The following ZFPM1 variants were observed in gnomAD, a reference collection of about 807,000 sequenced individuals.
ZFPM1 encodes zinc finger protein, FOG family member 1.
A neutral mutation model predicts 46.3 loss-of-function variants in ZFPM1; 28 were observed. That is an observed-to-expected ratio of 0.60 (90% CI 0.45 to 0.83). The LOEUF is 0.83. Among genes scored for constraint, ZFPM1 ranks in the 40% least tolerant of loss-of-function variants. ZFPM1 has a pLI of 0.00. For missense variants in ZFPM1, 1,878 were observed against 1,432.4 expected (o/e 1.31, Z -5.02); for synonymous variants, 957 against 675.9 (o/e 1.42, Z -6.45).
intron 1 of ZFPM1, among the ~76,000 whole-genome samples, chr16:88,458,089 A>T (rs1433608602): frequency 1.3e-5 from 2 of 152,240 alleles, no homozygotes; most frequent in African/African-American, 4.8e-5. Flanking sequence ...GGGGAAACTG[A>T]AGCACAGAGA....
intron 3 of ZFPM1, among the ~76,000 whole-genome samples, chr16:88,498,238 A>G (rs1315790675): frequency 6.6e-6 from 1 of 151,898 alleles, no homozygotes; most frequent in Non-Finnish European, 1.5e-5. Context: ...ACAGCTGGGC[A>G]GAGGGGGCCC....
At chr16:88,470,108 AAGCC>A (rs1400391001) in intron 1 of ZFPM1, among the ~76,000 whole-genome samples, 1 of 152,050 alleles carries the variant, frequency 6.6e-6, no homozygotes, top group African/African-American at 2.4e-5. Context: ...AACGGAGAAA[AAGCC>A]AGGGCCTCCA....
rs1913057407 is a variant in ZFPM1, at chr16:88,534,118, C to G, written c.2160C>G (p.Pro720=). 1.8e-6 allele frequency: 2 copies of G among 1,116,122 alleles called. No homozygotes were observed. Among genetic ancestry groups the G allele is most frequent in the African/African-American group, 1.7e-5 (1 of 59,420 alleles). The allele number at this position is 1,116,122 out of a possible 1,614,324, so 69.1% of individuals were successfully genotyped here. A position where few individuals can be genotyped will look rare whatever the true frequency, so the allele number is the denominator to read the frequency against. Residue 720 remains proline (P), a synonymous_variant, in exon 10 of 10, where the codon CCC becomes CCG. Transcript: ENST00000319555. ...CGCCGCCGCGCCGACCGGCCGCGCCCCCGGGACCCCCTGGGCCGGCCGCGC... is the reference window on the plus strand; with the variant it reads ...CGCCGCCGCGCCGACCGGCCGCGCCGCCGGGACCCCCTGGGCCGGCCGCGC... The part of the protein sequence containing the change: ...HDPPPRRPAA[P]PGPPGPAAPP...
At chr16:88,515,711 G>A (rs999902619) in intron 4 of ZFPM1, among the ~76,000 whole-genome samples, 3 of 152,238 alleles carry the variant, frequency 2.0e-5, no homozygotes, top group East Asian at 1.9e-4. Context: ...GTGGAAGAAC[G>A]GCAGCGGAAG....
In ZFPM1 at chr16:88,479,649, G is replaced by A. The variant is rs572557880; in HGVS notation, c.41-6290G>A. Among the ~76,000 whole-genome samples, 10 of 152,132 alleles carry A rather than the reference G, an allele frequency of 6.6e-5. No individual in the cohort carries two copies. In the South Asian group the frequency reaches 8.3e-4, roughly 13 times the overall value. On this transcript the variant is annotated intron_variant, in intron 1 of 9. Coordinates refer to ENST00000319555, the MANE Select transcript of ZFPM1 (RefSeq NM_153813.3). ...TCTGTTATCAGGGCCTTATCTGGCC[G>A]CTGTGTGCCGCCAGAGGCCAGGTTC...
At chr16:88,525,175 G>GTGCCC (rs1912216399) in intron 4 of ZFPM1, among the ~76,000 whole-genome samples, 1 of 152,230 alleles carries the variant, frequency 6.6e-6, no homozygotes, top group Admixed American at 6.5e-5. Flanking sequence ...GGGTCTGGTC[G>GTGCCC]TGCCCTGCCC....
At chr16:88,523,650 C>T (rs1912074068) in intron 4 of ZFPM1, among the ~76,000 whole-genome samples, 1 of 152,248 alleles carries the variant, frequency 6.6e-6, no homozygotes, top group African/African-American at 2.4e-5. Context: ...CCAGGGCAGA[C>T]TGGCAGGGAG....
rs370003792 is a variant in ZFPM1, at chr16:88,526,809, C to T, written c.403-5C>T. On this transcript the variant is annotated splice_polypyrimidine_tract_variant and splice_region_variant and intron_variant, in intron 4 of 9. Transcript: ENST00000319555. ...TCCCCACGTGTTCCTACCCTCCCCCCCCAGAGCCCAGCCCTGACCCTGCTG... is the reference window on the plus strand; with the variant it reads ...TCCCCACGTGTTCCTACCCTCCCCCTCCAGAGCCCAGCCCTGACCCTGCTG... 9.3e-5 allele frequency: 143 copies of T among 1,545,836 alleles called. No individual in the cohort carries two copies. Among genetic ancestry groups the T allele is most frequent in the Middle Eastern group, 1.8e-4 (1 of 5,584 alleles).
rs144472439 is a variant in ZFPM1 at position 88,533,749 on chromosome 16, C to T, written c.1791C>T (p.Arg597=). Residue 597 remains arginine, a synonymous_variant, in exon 10 of 10, where the codon CGC becomes CGT. Coordinates refer to ENST00000319555, the MANE Select transcript of ZFPM1 (RefSeq NM_153813.3). Reference sequence around the variant, plus strand: ...TCAACAACTACTACGTGCACAAGCGCCTCTACTGTTCAGGCCGCCGTGCGC... The same window carrying T: ...TCAACAACTACTACGTGCACAAGCGTCTCTACTGTTCAGGCCGCCGTGCGC... The part of the protein sequence containing the change: ...SNVNNYYVHK[R]LYCSGRRAPE... The T allele has an allele frequency of 1.2e-4, 175 of 1,494,926 alleles. No homozygotes were observed. The East Asian group carries it at 1.3e-3, about 11-fold the overall frequency. 92.6% of individuals were successfully genotyped at this position (1,494,926 alleles called of 1,614,324 possible).
At chr16:88,482,858 C>T (rs1403071547) in intron 1 of ZFPM1, among the ~76,000 whole-genome samples, 4 of 152,212 alleles carry the variant, frequency 2.6e-5, no homozygotes, top group Non-Finnish European at 2.9e-5. Flanking sequence ...CGCGTGCTCC[C>T]GCCAAGTCGG....
Position 88,461,252 on chromosome 16 carries a change from C to CCTGGTGAGGACCGAGGGGCGGGAGG in ZFPM1, c.40+7575_40+7576insTGGTGAGGACCGAGGGGCGGGAGGC, listed in dbSNP as rs1567525978. ...GAGGACCCAGGGGTGGGGCGGGAGG[C>CCTGGTGAGGACCGAGGGGCGGGAGG]CCTGGTGAGGACCGACGGGTGCGAG... On this transcript the variant is annotated intron_variant, in intron 1 of 9. Transcript: ENST00000319555. Among the ~76,000 whole-genome samples, 145 of 59,838 alleles carry CCTGGTGAGGACCGAGGGGCGGGAGG rather than the reference C, an allele frequency of 2.4e-3. 5 individuals are homozygous for CCTGGTGAGGACCGAGGGGCGGGAGG. The highest frequency in any genetic ancestry group is 0.011 in the South Asian group (18 of 1,634). 39.3% of individuals were successfully genotyped at this position (59,838 alleles called of 152,430 possible). A position where few individuals can be genotyped will look rare whatever the true frequency, so the allele number is the denominator to read the frequency against.
At chr16:88,475,513 C>CG (rs36025032) in intron 1 of ZFPM1, among the ~76,000 whole-genome samples, 55,477 of 146,454 alleles carry the variant, frequency 0.38, 10,711 homozygotes, top group East Asian at 0.57. Context: ...GGCAGGGGTC[C>CG]GGGGGGGGGA....
intron 3 of ZFPM1, among the ~76,000 whole-genome samples, chr16:88,504,687 CCAGCTGCCCCAGACGGGG>C (rs1243138645): frequency 6.6e-6 from 1 of 152,192 alleles, no homozygotes; most frequent in Non-Finnish European, 1.5e-5. Flanking sequence ...GCCTGCCAGT[CCAGCTGCCCCAGACGGGG>C]CCAAGGTAGT....
chr16:88,534,360 C>T lies in ZFPM1; in HGVS notation c.2402C>T (p.Pro801Leu). 1.4e-6 allele frequency: 2 copies of T among 1,426,068 alleles called. No homozygotes were observed. Among genetic ancestry groups the T allele is most frequent in the Non-Finnish European group, 1.8e-6 (2 of 1,093,688 alleles). The allele number at this position is 1,426,068 out of a possible 1,614,324, so 88.3% of individuals were successfully genotyped here. ...GGCCCCATCGACCTGAGCAAGAAGCCGCGGCGCCCGCTCCCCGGAGCCCCG... is the reference window on the plus strand; with the variant it reads ...GGCCCCATCGACCTGAGCAAGAAGCTGCGGCGCCCGCTCCCCGGAGCCCCG... ...ADGPIDLSKK[P>L]RRPLPGAPAP... The change falls in exon 10 of 10, where the codon CCG (proline) becomes CTG (leucine). Residue 801 changes from proline to leucine, a missense_variant. Pro to Leu is a moderately conservative substitution (Grantham distance 98, BLOSUM62 -3). Transcript: ENST00000319555.
chr16:88,533,251 G>A lies in ZFPM1; in HGVS notation c.1293G>A (p.Lys431=), dbSNP rs71395304. 9 of 1,554,812 alleles carry A rather than the reference G, an allele frequency of 5.8e-6. No individual in the cohort carries two copies. The South Asian group carries it at 9.4e-5, about 16-fold the overall frequency. The change falls in exon 10 of 10, where the codon AAG becomes AAA. Residue 431 remains lysine, a synonymous_variant. Coordinates refer to ENST00000319555, the MANE Select transcript of ZFPM1 (RefSeq NM_153813.3). ...APTPSPGLDR[K]ALAEATNGEA... ...CCCCATCGCCAGGACTGGACAGAAAGGCCCTGGCCGAGGCCACCAACGGAG... is the reference window on the plus strand; with the variant it reads ...CCCCATCGCCAGGACTGGACAGAAAAGCCCTGGCCGAGGCCACCAACGGAG...
At chr16:88,499,533 C>T (rs560219201) in intron 3 of ZFPM1, among the ~76,000 whole-genome samples, 4 of 152,332 alleles carry the variant, frequency 2.6e-5, no homozygotes, top group South Asian at 4.1e-4. Flanking sequence ...GGACCGCGCA[C>T]GTGGACAGGG....
chr16:88,472,929 A>G (rs1440326844), intron 1 of ZFPM1, among the ~76,000 whole-genome samples: 2 of 152,226 alleles, frequency 1.3e-5, no homozygotes, highest in African/African-American at 2.4e-5. Context: ...GCAGGCCTGC[A>G]TCACAGAGCT....
At chr16:88,507,296 C>T (rs138977819) in intron 3 of ZFPM1, among the ~76,000 whole-genome samples, 8 of 152,300 alleles carry the variant, frequency 5.3e-5, no homozygotes, top group African/African-American at 1.9e-4. Context: ...CTTGGCCTCA[C>T]CCCCTCAGCA....
intron 6 of ZFPM1, 27 bp from the exon 7 acceptor site, chr16:88,531,974 CT>C (rs1216888420): frequency 3.8e-6 from 6 of 1,567,594 alleles, no homozygotes; most frequent in Non-Finnish European, 5.2e-6. Flanking sequence ...GGCCTTCAGC[CT>C]GACCCCGCCT....
Sources: allele counts gnomAD v4.1 joint callset (sites outside exome capture counted in the v4.1 genomes callset), GRCh38; gene constraint gnomAD v4.1.1; transcripts MANE v1.5; gene names NCBI Gene and HGNC (gene_info 2026-07-23, HGNC 2026-07-21).